Variants in AGO2 observed in about 807,000 individuals in gnomAD.
AGO2 encodes argonaute RISC catalytic component 2.
A neutral mutation model predicts 102.3 loss-of-function variants in AGO2; 5 were observed. The ratio of observed to expected loss-of-function variants is 0.05; its 90% CI spans 0.03 to 0.10. AGO2 has a LOEUF of 0.10. Ranked by LOEUF, AGO2 falls within the 10% of genes least tolerant of loss-of-function variation. The pLI is 1.00. For synonymous variants in AGO2, 449 were observed against 473.1 expected (o/e 0.95, Z 0.66); for missense variants, 541 against 1,183.7 (o/e 0.46, Z 7.97).
intron 3 of AGO2, among the ~76,000 whole-genome samples, chr8:140,568,937 T>C (rs546160511): frequency 9.5e-4 from 144 of 152,296 alleles, no homozygotes; most frequent in African/African-American, 3.0e-3. Flanking sequence ...GCCCCAAAGA[T>C]GCTTGCGCCA....
chr8:140,592,551 GTTTATGACTCAATCCCAAGTGTT>G (rs1363657750), intron 1 of AGO2: 1 of 152,222 alleles, frequency 6.6e-6, no homozygotes, highest in African/African-American at 2.4e-5. Flanking sequence ...TGCCTTATGG[GTTTATGACTCAATCCCAAGTGTT>G]TTTAGGACAA....
intron 1 of AGO2, among the ~76,000 whole-genome samples, chr8:140,614,879 TC>T (rs2074121211): frequency 6.6e-6 from 1 of 152,224 alleles, no homozygotes; most frequent in African/African-American, 2.4e-5. Context: ...GTTACTGAAG[TC>T]ATGAGAACTC....
At chr8:140,582,940 A>T (rs1167239489) in intron 2 of AGO2, among the ~76,000 whole-genome samples, 2 of 152,220 alleles carry the variant, frequency 1.3e-5, no homozygotes, top group African/African-American at 4.8e-5. Context: ...AATAATCCAG[A>T]GAACTGGTAA....
chr8:140,626,303 T>C (rs1301226789), intron 1 of AGO2, among the ~76,000 whole-genome samples: 1 of 151,950 alleles, frequency 6.6e-6, no homozygotes, highest in Non-Finnish European at 1.5e-5. Flanking sequence ...GACAGATGAG[T>C]GTTATTTATC....
chr8:140,532,386 C>T (rs1398115153), intron 18 of AGO2, 30 bp downstream of exon 18: 2 of 1,597,122 alleles, frequency 1.3e-6, no homozygotes, highest in Admixed American at 3.4e-5. Context: ...ACCACCCCTG[C>T]TGTGACCTCC....
chr8:140,583,548 A>C (rs2073592775), intron 2 of AGO2, among the ~76,000 whole-genome samples: 1 of 152,204 alleles, frequency 6.6e-6, no homozygotes, highest in African/African-American at 2.4e-5. Flanking sequence ...CACGGCAGGC[A>C]ATTGTAACAC....
chr8:140,588,944 T>A (rs1050935913), intron 1 of AGO2, among the ~76,000 whole-genome samples: 1 of 152,244 alleles, frequency 6.6e-6, no homozygotes, highest in Non-Finnish European at 1.5e-5. Flanking sequence ...TAGAGCCGCA[T>A]CTCACACAGT....
intron 17 of AGO2, among the ~76,000 whole-genome samples, chr8:140,534,135 G>A (rs569529008): frequency 8.5e-5 from 13 of 152,210 alleles, no homozygotes; most frequent in African/African-American, 2.2e-4. Context: ...CACATGCTCC[G>A]GCACCCCTTT....
At chr8:140,564,466 T>A (rs1039290950) in intron 3 of AGO2, among the ~76,000 whole-genome samples, 1 of 152,236 alleles carries the variant, frequency 6.6e-6, no homozygotes. Flanking sequence ...CGGAGTTATA[T>A]ATGGATTTCC....
At position 140,527,857 on chromosome 8, in the gene AGO2, C is replaced by T. The variant is rs2072531072; in HGVS notation, c.*4187G>A. On this transcript the variant is annotated 3_prime_UTR_variant, in exon 19 of 19. Transcript: ENST00000220592. This position sits in a 1 kb window ranked among gnomAD's most constrained non-coding sequence, Gnocchi z 6.0. ...TCTAAAGCTCCTCCTAATGGAACTGCCTTATGTGTAGGAAAATGCCCATGA... is the reference window on the plus strand; with the variant it reads ...TCTAAAGCTCCTCCTAATGGAACTGTCTTATGTGTAGGAAAATGCCCATGA... 6.6e-6 allele frequency: 1 copy of T among 152,212 alleles called. No homozygotes were observed. Among genetic ancestry groups the T allele is most frequent in the South Asian group, 2.1e-4 (1 of 4,828 alleles). The allele number at this position is 152,212 out of a possible 1,614,324, so 9.4% of individuals were successfully genotyped here. A position where few individuals can be genotyped will look rare whatever the true frequency, so the allele number is the denominator to read the frequency against.
At chr8:140,585,430 C>A in intron 1 of AGO2, 119 bp from the exon 2 acceptor site, 2 of 1,131,868 alleles carry the variant, frequency 1.8e-6, no homozygotes, top group Non-Finnish European at 2.5e-6. Context: ...ACGTCCAGGC[C>A]AATATTGCAT....
At chr8:140,587,928 C>T (rs1388990493) in intron 1 of AGO2, among the ~76,000 whole-genome samples, 1 of 152,194 alleles carries the variant, frequency 6.6e-6, no homozygotes, top group Non-Finnish European at 1.5e-5. Context: ...ACTGCCTGTC[C>T]AACAGCCGAG....
chr8:140,568,145 A>T lies in AGO2; in HGVS notation c.336+4667T>A, dbSNP rs183051664. Among the ~76,000 whole-genome samples, 222 of 150,398 alleles carry T rather than the reference A, an allele frequency of 1.5e-3. 6 individuals carry two copies. In the East Asian group the frequency reaches 0.033, roughly 22 times the overall value. ...AAAAAGAAAAGAAAATTAGCCGGGC[A>T]TGGTGGCACATGCCTGTAGTCCCAG... On this transcript the variant is annotated intron_variant, in intron 3 of 18. Transcript: ENST00000220592.
At chr8:140,550,477 C>G (rs1044585126) in intron 11 of AGO2, among the ~76,000 whole-genome samples, 7 of 152,186 alleles carry the variant, frequency 4.6e-5, no homozygotes, top group African/African-American at 1.7e-4. Context: ...TTCCACAGCA[C>G]TTGGGCCTCC....
At position 140,559,413 on chromosome 8, in the gene AGO2, A is replaced by G; in HGVS notation, c.772T>C (p.Phe258Leu). 1.2e-6 allele frequency: 2 copies of G among 1,614,214 alleles called. No individual in the cohort carries two copies. Among genetic ancestry groups the G allele is most frequent in the Non-Finnish European group, 1.7e-6 (2 of 1,180,022 alleles). ...KPLTDSQRVK[F>L]TKEIKGLKVE... is the part of the protein sequence containing the mutation. ...TCATTACCTTTAATTTCTTTGGTAA[A>G]CTTTACCCTTTGGGAATCTGTCAGA... The change falls in exon 6 of 19, where the codon TTT becomes CTT. Residue 258 changes from phenylalanine to leucine, a missense_variant. Physicochemically the swap from Phe to Leu is conservative, Grantham distance 22. Transcript: ENST00000220592.
rs558660742 is a variant in AGO2, at chr8:140,533,161, G to T, written c.2272-546C>A. Among the ~76,000 whole-genome samples, 3 of 151,996 alleles carry T rather than the reference G, an allele frequency of 2.0e-5. No homozygotes were observed. The South Asian group carries it at 6.2e-4, about 32-fold the overall frequency. On this transcript the variant is annotated intron_variant, in intron 17 of 18. Transcript: ENST00000220592. ...TCCCAGCACTTTGGGAGGCCGAGGC[G>T]GGCAGATCACAAGGTCAGGAGATCG...
intron 1 of AGO2, among the ~76,000 whole-genome samples, chr8:140,588,311 G>A (rs1042473676): frequency 3.5e-4 from 54 of 152,158 alleles, no homozygotes; most frequent in African/African-American, 1.3e-3. Context: ...TCACACTGCA[G>A]GCTCGGTTCC....
rs189258026 is a variant in AGO2, at chr8:140,603,628, G to A, written c.23-18317C>T. 2.0e-4 allele frequency among the ~76,000 whole-genome samples: 31 copies of A among 152,332 alleles called. 1 individual carries two copies. Among genetic ancestry groups the A allele is most frequent in the African/African-American group, 6.3e-4 (26 of 41,574 alleles). Reference sequence around the variant, plus strand: ...TTTCCAGAGGTGGAGCCACGCACGTGACCCTCTGTGCCTGGCCCCCCTCAT... The same window carrying A: ...TTTCCAGAGGTGGAGCCACGCACGTAACCCTCTGTGCCTGGCCCCCCTCAT... On this transcript the variant is annotated intron_variant, in intron 1 of 18. Coordinates refer to ENST00000220592, the MANE Select transcript of AGO2 (RefSeq NM_012154.5).
At chr8:140,620,731 T>C (rs1373615999) in intron 1 of AGO2, among the ~76,000 whole-genome samples, 1 of 152,054 alleles carries the variant, frequency 6.6e-6, no homozygotes, top group African/African-American at 2.4e-5. Context: ...TAGCCAGGCA[T>C]GGTGGCATGC....
Sources: allele counts gnomAD v4.1 joint callset (sites outside exome capture counted in the v4.1 genomes callset), GRCh38; gene constraint gnomAD v4.1.1; non-coding constraint Gnocchi (gnomAD v3.1); transcripts MANE v1.5; gene names NCBI Gene and HGNC (gene_info 2026-07-23, HGNC 2026-07-21).